PRKCQ: variants seen among roughly 807,000 people sequenced by gnomAD.
PRKCQ encodes protein kinase C theta type.
In PRKCQ, 41 loss-of-function variants were observed where a neutral mutation model predicts 91.2. The ratio of observed to expected loss-of-function variants is 0.45; its 90% CI spans 0.35 to 0.58. PRKCQ has a LOEUF of 0.58. Ranked by LOEUF, PRKCQ falls within the 20% of genes least tolerant of loss-of-function variation. PRKCQ has a pLI of 0.00. For synonymous variants in PRKCQ, 307 were observed against 316.9 expected (o/e 0.97, Z 0.33); for missense variants, 673 against 896.5 (o/e 0.75, Z 3.18).
At chr10:6,568,424 C>T (rs897858971) in intron 1 of PRKCQ, among the ~76,000 whole-genome samples, 1 of 151,666 alleles carries the variant, frequency 6.6e-6, no homozygotes, top group Non-Finnish European at 1.5e-5. Context: ...TTACCTGTTG[C>T]CTCATTCTTT....
chr10:6,573,214 A>G (rs747773016), intron 1 of PRKCQ, among the ~76,000 whole-genome samples: 12 of 152,190 alleles, frequency 7.9e-5, no homozygotes, highest in Non-Finnish European at 1.5e-4. Context: ...AGTTTGAAAA[A>G]CTGTGTAGAA....
At position 6,518,820 on chromosome 10, in the gene PRKCQ, AAAAAGAAAAG is replaced by A. The variant is rs146555579; in HGVS notation, c.-9-3686_-9-3677del. Among the ~76,000 whole-genome samples the A allele has an allele frequency of 8.1e-3, 1,241 of 152,282 alleles. 20 individuals are homozygous for A. The highest frequency in any genetic ancestry group is 0.029 in the African/African-American group (1,191 of 41,572). On this transcript the variant is annotated intron_variant, in intron 1 of 17. Transcript: ENST00000263125. Reference sequence around the variant, plus strand: ...GCAACAGAGCAAGACTCTGTCTTAAAAAAAGAAAAGAAAAGAAAAGAAAAATATATAATAA... The same window carrying A: ...GCAACAGAGCAAGACTCTGTCTTAAAAAAAGAAAAGAAAAATATATAATAA...
At chr10:6,514,339 G>A (rs377080029) in intron 2 of PRKCQ, among the ~76,000 whole-genome samples, 1 of 151,808 alleles carries the variant, frequency 6.6e-6, no homozygotes, top group East Asian at 1.9e-4. Flanking sequence ...CTTGGAGAGT[G>A]GAAGCCGGCC....
At chr10:6,471,159 TC>T (rs1248125303) in intron 12 of PRKCQ, among the ~76,000 whole-genome samples, 1 of 151,462 alleles carries the variant, frequency 6.6e-6, no homozygotes, top group African/African-American at 2.4e-5. Flanking sequence ...TCTCTTCCGC[TC>T]CCCCCTGTGC....
At chr10:6,571,892 C>A (rs547055314) in intron 1 of PRKCQ, among the ~76,000 whole-genome samples, 7 of 152,292 alleles carry the variant, frequency 4.6e-5, no homozygotes, top group Non-Finnish European at 8.8e-5. Flanking sequence ...AGCCACCTAA[C>A]TAACAAACTT....
At chr10:6,413,721 T>TTG in the PRKCQ span, among the ~76,000 whole-genome samples, 3 of 89,006 alleles carry the variant, frequency 3.4e-5, no homozygotes, top group East Asian at 3.9e-4. Context: ...TAAATGCCAC[T>TTG]TGTGCGCGCG....
intron 11 of PRKCQ, among the ~76,000 whole-genome samples, chr10:6,480,081 C>A (rs932687496): frequency 6.6e-6 from 1 of 152,214 alleles, no homozygotes; most frequent in Non-Finnish European, 1.5e-5. Flanking sequence ...GGATAACTTG[C>A]TCAGATTCTT....
At chr10:6,515,286 A>C (rs1838703641) in intron 1 of PRKCQ, 142 bp from the exon 2 acceptor site, 1 of 1,532,146 alleles carries the variant, frequency 6.5e-7, no homozygotes, top group Non-Finnish European at 8.7e-7. Context: ...AAATGTTTTC[A>C]CTTCCCCTTC....
the PRKCQ span, among the ~76,000 whole-genome samples, chr10:6,419,455 C>T: frequency 6.7e-6 from 1 of 149,424 alleles, no homozygotes; most frequent in Admixed American, 6.8e-5. Flanking sequence ...CAATTCCCCA[C>T]ACACATACCC....
chr10:6,430,996 G>A lies in PRKCQ; in HGVS notation c.1837-58C>T. 2 of 1,576,396 alleles carry A rather than the reference G, an allele frequency of 1.3e-6. No individual in the cohort carries two copies. The highest frequency in any genetic ancestry group is 2.3e-5 in the South Asian group (2 of 86,554). ...TCCAGGGATGACCCTTTTGCATCAG[G>A]AGGTCGTGGTGCTTCCTGGTGCACC... On this transcript the variant is annotated intron_variant, in intron 16 of 17. Transcript: ENST00000263125. This position sits in a 1 kb window ranked among gnomAD's most constrained non-coding sequence, Gnocchi z 4.7.
At chr10:6,539,626 A>T (rs1187671645) in intron 1 of PRKCQ, among the ~76,000 whole-genome samples, 1 of 152,146 alleles carries the variant, frequency 6.6e-6, no homozygotes, top group Non-Finnish European at 1.5e-5. Flanking sequence ...TGTAATAATA[A>T]TAGAAATAGA....
chr10:6,420,071 C>A, the PRKCQ span, among the ~76,000 whole-genome samples: 1 of 152,112 alleles, frequency 6.6e-6, no homozygotes, highest in Non-Finnish European at 1.5e-5. Context: ...TCACTGCAAT[C>A]TCTGCCTCCC....
intron 11 of PRKCQ, among the ~76,000 whole-genome samples, chr10:6,481,978 TCCTTC>T (rs1057092497): frequency 2.0e-5 from 3 of 151,174 alleles, no homozygotes; most frequent in Non-Finnish European, 4.4e-5. Context: ...TATCTCTTCT[TCCTTC>T]TTCTCACCTC....
intron 1 of PRKCQ, among the ~76,000 whole-genome samples, chr10:6,565,352 A>G (rs1404794131): frequency 6.6e-6 from 1 of 152,238 alleles, no homozygotes; most frequent in African/African-American, 2.4e-5. Context: ...TGTTCTGAGT[A>G]CTTCAAGGCT....
the PRKCQ span, among the ~76,000 whole-genome samples, chr10:6,402,484 A>C: frequency 6.6e-6 from 1 of 152,018 alleles, no homozygotes; most frequent in Non-Finnish European, 1.5e-5. Flanking sequence ...CAGACAGAAA[A>C]GCCTGACTCC....
chr10:6,456,880 G>A (rs1473310608), intron 14 of PRKCQ, 68 bp from the exon 15 acceptor site: 2 of 1,540,060 alleles, frequency 1.3e-6, no homozygotes, highest in East Asian at 4.6e-5. Context: ...AATTCCATAG[G>A]AGGCGAGGGA....
chr10:6,435,191 T>C (rs527738772), intron 16 of PRKCQ, among the ~76,000 whole-genome samples: 115 of 152,346 alleles, frequency 7.5e-4, no homozygotes, highest in African/African-American at 2.7e-3. Flanking sequence ...CCTCTCCCAG[T>C]GGGCAATTGT....
chr10:6,422,359 T>C (rs564997838), downstream of PRKCQ, among the ~76,000 whole-genome samples: 132 of 152,294 alleles, frequency 8.7e-4, no homozygotes, highest in South Asian at 6.2e-4. Context: ...GCTGAGTGTT[T>C]AAGTGACTTG....
chr10:6,526,999 A>G (rs972235594), intron 1 of PRKCQ, among the ~76,000 whole-genome samples: 1 of 152,194 alleles, frequency 6.6e-6, no homozygotes, highest in Non-Finnish European at 1.5e-5. Flanking sequence ...AAGCCACTGA[A>G]GATGAGGGGA....
Sources: gnomAD v4.1 joint callset for allele counts (sites outside exome capture counted in the v4.1 genomes callset) on GRCh38, gnomAD v4.1.1 for gene constraint, Gnocchi (gnomAD v3.1) non-coding constraint, MANE v1.5 for transcripts, NCBI Gene and HGNC (gene_info 2026-07-23, HGNC 2026-07-21) for gene names.